HSPA12B: variants seen among roughly 807,000 people sequenced by gnomAD.
HSPA12B encodes heat shock 70 kDa protein 12B.
A neutral mutation model predicts 69.3 loss-of-function variants in HSPA12B; 54 were observed. The ratio of observed to expected loss-of-function variants is 0.78; its 90% CI spans 0.63 to 0.98. The LOEUF is 0.98. HSPA12B is among the 50% of genes least tolerant of loss of function. The pLI, the probability that HSPA12B is intolerant of heterozygous loss-of-function variation, is 0.00. For missense variants in HSPA12B, 929 were observed against 999.8 expected, an observed-to-expected ratio of 0.93 and a Z score of 0.96; for synonymous variants, 441 against 436.5, an observed-to-expected ratio of 1.01 and a Z score of -0.13.
chr20:3,734,199 G>A (rs1190704565), intron 1 of HSPA12B, among the ~76,000 whole-genome samples: 6 of 152,160 alleles, frequency 3.9e-5, no homozygotes, highest in African/African-American at 7.2e-5. Context: ...GGCAGGGTTC[G>A]TCCTAGGCTA....
chr20:3,745,679 C>G lies in HSPA12B; in HGVS notation c.558+82C>G. The G allele has an allele frequency of 1.6e-6, 2 of 1,276,150 alleles. No homozygotes were observed. Among genetic ancestry groups the G allele is most frequent in the Non-Finnish European group, 1.1e-6 (1 of 886,162 alleles). The allele number at this position is 1,276,150 out of a possible 1,614,324, so 79.1% of individuals were successfully genotyped here. ...TCCGAAACCGCTCCCCCATCCCGTC[C>G]CCGACATTGGATGGGTAGCCACCGC... On this transcript the variant is annotated intron_variant, in intron 6 of 12. Coordinates refer to ENST00000254963, the MANE Select transcript of HSPA12B (RefSeq NM_052970.5). This position sits in a 1 kb window ranked among gnomAD's most constrained non-coding sequence, Gnocchi z 5.6.
intron 12 of HSPA12B, 47 bp from the exon 13 acceptor site, chr20:3,751,464 C>T (rs943686366): frequency 9.5e-6 from 13 of 1,370,440 alleles, no homozygotes; most frequent in Non-Finnish European, 1.2e-5. Flanking sequence ...TCCCCCGCCC[C>T]TTCTCCTCTG....
chr20:3,741,239 A>G (rs1254676397), intron 3 of HSPA12B, among the ~76,000 whole-genome samples: 1 of 151,992 alleles, frequency 6.6e-6, no homozygotes, highest in African/African-American at 2.4e-5. Flanking sequence ...CTAGGTCCCC[A>G]GAGCACTGGG....
At position 3,751,941 on chromosome 20, in the gene HSPA12B, G is replaced by T. The variant is rs768329826; in HGVS notation, c.1836G>T (p.Ala612=). Residue 612 remains alanine (A), a synonymous_variant, in exon 13 of 13, where the codon GCG becomes GCT. Transcript: ENST00000254963. ...TACTCATCAACCTGTACTGCTGCGC[G>T]GCAGAGGATGCGCGCTTCATCACCG... ...RRVLINLYCC[A]AEDARFITDP... The T allele has an allele frequency of 1.9e-6, 3 of 1,586,786 alleles. No individual in the cohort carries two copies. The highest frequency in any genetic ancestry group is 1.7e-6 in the Non-Finnish European group (2 of 1,171,518).
intron 3 of HSPA12B, among the ~76,000 whole-genome samples, chr20:3,741,575 G>A (rs1351207716): frequency 6.6e-6 from 1 of 152,200 alleles, no homozygotes; most frequent in Admixed American, 6.5e-5. Context: ...GGAGGTTGCA[G>A]TTAGCCAAGA....
chr20:3,736,320 A>T (rs2088107991), intron 1 of HSPA12B, among the ~76,000 whole-genome samples: 1 of 152,150 alleles, frequency 6.6e-6, no homozygotes, highest in African/African-American at 2.4e-5. Flanking sequence ...TCTGATTCTG[A>T]TTCCTGAGCA....
chr20:3,735,317 T>C (rs1277003014), intron 1 of HSPA12B, among the ~76,000 whole-genome samples: 1 of 152,208 alleles, frequency 6.6e-6, no homozygotes, highest in Non-Finnish European at 1.5e-5. Context: ...CATAATAGGC[T>C]CTTGCCATCC....
rs867728263 is a variant in HSPA12B at position 3,751,942 on chromosome 20, G to A, written c.1837G>A (p.Ala613Thr). ...RVLINLYCCA[A>T]EDARFITDPG... is the part of the protein sequence containing the mutation. Reference sequence around the variant, plus strand: ...ACTCATCAACCTGTACTGCTGCGCGGCAGAGGATGCGCGCTTCATCACCGA... The same window carrying A: ...ACTCATCAACCTGTACTGCTGCGCGACAGAGGATGCGCGCTTCATCACCGA... The change falls in exon 13 of 13, where the codon GCA (alanine) becomes ACA (threonine). Residue 613 changes from alanine (A) to threonine (T), a missense_variant. Physicochemically the swap from Ala to Thr is moderately conservative, Grantham distance 58. This residue lies in a region of HSPA12B where 448 missense variants were observed against 448.1 expected (regional missense o/e 1.00). Transcript: ENST00000254963. The A allele has an allele frequency of 6.3e-7, 1 of 1,586,190 alleles. No homozygotes were observed. The highest frequency in any genetic ancestry group is 1.1e-5 in the South Asian group (1 of 88,684).
chr20:3,745,412 G>C lies in HSPA12B; in HGVS notation c.454-81G>C. On this transcript the variant is annotated intron_variant, in intron 5 of 12. Coordinates refer to ENST00000254963, the MANE Select transcript of HSPA12B (RefSeq NM_052970.5). This position sits in a 1 kb window ranked among gnomAD's most constrained non-coding sequence, Gnocchi z 5.6. ...AAGAGGAGGGGAAGCTCCAGGAAAC[G>C]GGGTGATTTTAAGAGCGAGGTCGTC... The C allele has an allele frequency of 1.0e-6, 1 of 999,742 alleles. No individual in the cohort carries two copies. Among genetic ancestry groups the C allele is most frequent in the Non-Finnish European group, 1.6e-6 (1 of 624,146 alleles). 61.9% of individuals were successfully genotyped at this position (999,742 alleles called of 1,614,324 possible).
At chr20:3,751,086 G>A in intron 12 of HSPA12B, 179 bp downstream of exon 12, 1 of 421,048 alleles carries the variant, frequency 2.4e-6, no homozygotes, top group Non-Finnish European at 3.2e-6. Context: ...GGGTTGATAT[G>A]TAGTCTTGCC....
Position 3,752,804 on chromosome 20 carries a change from A to G in HSPA12B, c.*638A>G. 6.5e-6 allele frequency: 1 copy of G among 153,906 alleles called. No homozygotes were observed. The highest frequency in any genetic ancestry group is 1.5e-5 in the Non-Finnish European group (1 of 68,072). 9.5% of individuals were successfully genotyped at this position (153,906 alleles called of 1,614,324 possible). On this transcript the variant is annotated 3_prime_UTR_variant, in exon 13 of 13. Transcript: ENST00000254963. Reference sequence around the variant, plus strand: ...TTGTGGTGGAGGCAATTATGAGGGTAGCATTTCTTTCGAGACAAAACACCC... The same window carrying G: ...TTGTGGTGGAGGCAATTATGAGGGTGGCATTTCTTTCGAGACAAAACACCC...
At position 3,748,303 on chromosome 20, in the gene HSPA12B, C is replaced by T. The variant is rs562353648; in HGVS notation, c.762C>T (p.Arg254=). 14 of 1,612,038 alleles carry T rather than the reference C, an allele frequency of 8.7e-6. No homozygotes were observed. In the South Asian group the frequency reaches 1.3e-4, roughly 15 times the overall value. The change falls in exon 8 of 13, where the codon CGC becomes CGT. Residue 254 remains arginine, a synonymous_variant. Coordinates refer to ENST00000254963, the MANE Select transcript of HSPA12B (RefSeq NM_052970.5). ...EAASVYCRKL[R]LHQLLDLSGR... ...CCTCGGTATACTGCCGCAAGCTGCG[C>T]CTGCACCAGCTCCTGGACCTGAGTG...
At chr20:3,746,492 CG>C (rs2088308277) in intron 7 of HSPA12B, among the ~76,000 whole-genome samples, 7 of 151,620 alleles carry the variant, frequency 4.6e-5, no homozygotes. Context: ...TTAGTAGAGA[CG>C]GGGTTTCATC....
intron 7 of HSPA12B, 30 bp downstream of exon 7, chr20:3,746,061 C>T (rs747092643): frequency 6.4e-6 from 10 of 1,553,134 alleles, no homozygotes; most frequent in Non-Finnish European, 8.9e-6. Flanking sequence ...CCCGAGAACA[C>T]TGCTCAGGAA....
intron 1 of HSPA12B, among the ~76,000 whole-genome samples, chr20:3,735,164 C>T (rs908225178): frequency 2.0e-5 from 3 of 152,198 alleles, no homozygotes; most frequent in Non-Finnish European, 4.4e-5. Context: ...AGGGAAAGAA[C>T]ACTGCTCAAA....
At position 3,748,377 on chromosome 20, in the gene HSPA12B, C is replaced by T. The variant is rs748472193; in HGVS notation, c.836C>T (p.Ser279Phe). The change falls in exon 8 of 13, where the codon TCC (serine) becomes TTC (phenylalanine). Residue 279 changes from serine to phenylalanine, a missense_variant. By Grantham distance (155) the Ser-to-Phe change is radical (BLOSUM62 -2). Around this residue, in one of 3 missense-constraint regions of HSPA12B, gnomAD observed 477 missense variants for 535.2 expected, o/e 0.89. Coordinates refer to ENST00000254963, the MANE Select transcript of HSPA12B (RefSeq NM_052970.5). ...CTGGGTGAGCGCCGCTCCATCGACT[C>T]CAGCTTCCGTCAGGGTGAGCTGCCC... is the stretch of plus-strand genomic sequence containing the variant. ...GRLGERRSID[S>F]SFRQAREQLR... is the part of the protein sequence containing the mutation. 1.3e-6 allele frequency: 2 copies of T among 1,597,656 alleles called. No homozygotes were observed. The highest frequency in any genetic ancestry group is 1.7e-6 in the Non-Finnish European group (2 of 1,172,962).
Position 3,751,491 on chromosome 20 carries a change from C to T in HSPA12B, c.1406-20C>T. 1 of 1,384,760 alleles carries T rather than the reference C, an allele frequency of 7.2e-7. No individual in the cohort carries two copies. The highest frequency in any genetic ancestry group is 9.3e-7 in the Non-Finnish European group (1 of 1,071,564). 85.8% of individuals were successfully genotyped at this position (1,384,760 alleles called of 1,614,324 possible). A position where few individuals can be genotyped will look rare whatever the true frequency, so the allele number is the denominator to read the frequency against. ...TCTCCTCTGCCCCCTTCACCCGCGT[C>T]CCCCCGTCCTGTCCCGCAGAGGCCC... On this transcript the variant is annotated intron_variant, in intron 12 of 12. Transcript: ENST00000254963.
In HSPA12B at chr20:3,751,524, A is replaced by G; in HGVS notation, c.1419A>G (p.Ala473=). The G allele has an allele frequency of 6.9e-7, 1 of 1,441,102 alleles. No individual in the cohort carries two copies. The highest frequency in any genetic ancestry group is 1.5e-5 in the African/African-American group (1 of 68,244). 89.3% of individuals were successfully genotyped at this position (1,441,102 alleles called of 1,614,324 possible). The change falls in exon 13 of 13, where the codon GCA becomes GCG. Residue 473 remains alanine (A), a synonymous_variant. Coordinates refer to ENST00000254963, the MANE Select transcript of HSPA12B (RefSeq NM_052970.5). ...GIIQHIEALL[A]RPEVQGVKLL... is the part of the protein sequence containing the mutation. ...CCTGTCCCGCAGAGGCCCTGCTGGC[A>G]CGGCCGGAGGTGCAGGGTGTGAAGC...
In HSPA12B at chr20:3,751,886, A is replaced by G; in HGVS notation, c.1781A>G (p.Tyr594Cys). Residue 594 changes from tyrosine to cysteine, a missense_variant, in exon 13 of 13, where the codon TAC (tyrosine) becomes TGC (cysteine). By Grantham distance (194) the Tyr-to-Cys change is radical. Around this residue, in one of 3 missense-constraint regions of HSPA12B, gnomAD observed 448 missense variants for 448.1 expected, o/e 1.00. Coordinates refer to ENST00000254963, the MANE Select transcript of HSPA12B (RefSeq NM_052970.5). ...CTGGGCGAGGAGGTGCGGCGCAGCTACTGCCCGGCGCGTCCCGGCCAGCGG... is the reference window on the plus strand; with the variant it reads ...CTGGGCGAGGAGGTGCGGCGCAGCTGCTGCCCGGCGCGTCCCGGCCAGCGG... ...VALGEEVRRS[Y>C]CPARPGQRRV... 1 of 1,567,240 alleles carries G rather than the reference A, an allele frequency of 6.4e-7. No individual in the cohort carries two copies. The highest frequency in any genetic ancestry group is 2.4e-5 in the East Asian group (1 of 42,388).
Sources: gnomAD v4.1 joint callset for allele counts (sites outside exome capture counted in the v4.1 genomes callset) on GRCh38, gnomAD v4.1.1 for gene constraint, gnomAD v4.1.1 regional missense constraint, Gnocchi (gnomAD v3.1) non-coding constraint, MANE v1.5 for transcripts, NCBI Gene and HGNC (gene_info 2026-07-23, HGNC 2026-07-21) for gene names.